Variants in MECOM observed in about 807,000 individuals in gnomAD.
The protein encoded by MECOM is histone-lysine N-methyltransferase MECOM.
Under a neutral mutation model 116.3 loss-of-function variants are expected in MECOM, and 13 were observed. The ratio of observed to expected loss-of-function variants is 0.11; its 90% CI spans 0.07 to 0.18. The LOEUF is 0.18. Among genes scored for constraint, MECOM ranks in the 10% least tolerant of loss-of-function variants. MECOM has a pLI of 1.00. For missense variants in MECOM, 1,299 were observed against 1,509.0 expected, an observed-to-expected ratio of 0.86 and a Z score of 2.31; for synonymous variants, 528 against 535.2, an observed-to-expected ratio of 0.99 and a Z score of 0.19.
chr3:169,178,082 C>A (rs1349993745), intron 2 of MECOM, among the ~76,000 whole-genome samples: 2 of 152,090 alleles, frequency 1.3e-5, no homozygotes, highest in Non-Finnish European at 2.9e-5. Context: ...ATTTTATTCT[C>A]CTACATAGCC....
intron 1 of MECOM, among the ~76,000 whole-genome samples, chr3:169,623,447 T>C (rs1315248857): frequency 6.6e-6 from 1 of 152,188 alleles, no homozygotes; most frequent in Admixed American, 6.5e-5. Context: ...GTTCTATGAT[T>C]TATATAAAAA....
chr3:169,527,631 T>C (rs967831597), intron 1 of MECOM, among the ~76,000 whole-genome samples: 4 of 152,192 alleles, frequency 2.6e-5, no homozygotes, highest in African/African-American at 9.7e-5. Flanking sequence ...CAAATCTTCA[T>C]GTTTGTTTTT....
At chr3:169,135,249 C>T (rs1736006488) in intron 3 of MECOM, among the ~76,000 whole-genome samples, 1 of 151,916 alleles carries the variant, frequency 6.6e-6, no homozygotes, top group South Asian at 2.1e-4. Flanking sequence ...GGTCTCTTCT[C>T]CTATCAGGGT....
chr3:169,170,691 C>G (rs1744287896), intron 2 of MECOM, among the ~76,000 whole-genome samples: 1 of 152,140 alleles, frequency 6.6e-6, no homozygotes, highest in Non-Finnish European at 1.5e-5. Flanking sequence ...GGAATCCCCA[C>G]AGTAATTTAC....
chr3:169,150,591 G>T (rs1487439282), intron 2 of MECOM, among the ~76,000 whole-genome samples: 1 of 152,196 alleles, frequency 6.6e-6, no homozygotes, highest in Non-Finnish European at 1.5e-5. Context: ...AAATATTAAG[G>T]GGATGGAGTA....
chr3:169,466,484 C>G (rs555958727), intron 1 of MECOM, among the ~76,000 whole-genome samples: 1 of 152,166 alleles, frequency 6.6e-6, no homozygotes, highest in South Asian at 2.1e-4. Context: ...AAAGTGAGAT[C>G]TAAAAAGTTG....
chr3:169,460,254 C>A (rs1374108898), intron 1 of MECOM, among the ~76,000 whole-genome samples: 1 of 152,000 alleles, frequency 6.6e-6, no homozygotes, highest in African/African-American at 2.4e-5. Flanking sequence ...CCACAGAGAG[C>A]AAACAAATAG....
At chr3:169,589,434 G>T (rs1478660798) in intron 1 of MECOM, among the ~76,000 whole-genome samples, 2 of 152,108 alleles carry the variant, frequency 1.3e-5, no homozygotes, top group African/African-American at 2.4e-5. Flanking sequence ...GACCAGGAAG[G>T]CACCATGTTA....
At chr3:169,338,303 G>A (rs1311425652) in intron 2 of MECOM, among the ~76,000 whole-genome samples, 1 of 152,102 alleles carries the variant, frequency 6.6e-6, no homozygotes, top group Admixed American at 6.6e-5. Context: ...AACTGAGCTA[G>A]GTCTCATAGC....
chr3:169,258,524 GGA>G (rs1250231622), intron 2 of MECOM, among the ~76,000 whole-genome samples: 2 of 152,122 alleles, frequency 1.3e-5, no homozygotes, highest in Non-Finnish European at 2.9e-5. Flanking sequence ...GTTAAACTGT[GGA>G]GTAACCACTC....
At chr3:169,548,859 G>T (rs1761035589) in intron 1 of MECOM, among the ~76,000 whole-genome samples, 1 of 152,024 alleles carries the variant, frequency 6.6e-6, no homozygotes, top group African/African-American at 2.4e-5. Flanking sequence ...ATTATAATAG[G>T]TACATGTCAT....
intron 1 of MECOM, among the ~76,000 whole-genome samples, chr3:169,625,654 C>T (rs962785931): frequency 1.3e-5 from 2 of 152,228 alleles, no homozygotes; most frequent in African/African-American, 4.8e-5. Flanking sequence ...CACAGTCTTT[C>T]CACAAATCAC....
chr3:169,194,527 A>G (rs930988899), intron 2 of MECOM, among the ~76,000 whole-genome samples: 2 of 152,000 alleles, frequency 1.3e-5, no homozygotes, highest in Non-Finnish European at 2.9e-5. Flanking sequence ...CATCTTAATA[A>G]ATAACAGCAA....
chr3:169,215,877 G>A (rs1048361593), intron 2 of MECOM, among the ~76,000 whole-genome samples: 3 of 152,162 alleles, frequency 2.0e-5, no homozygotes, highest in Non-Finnish European at 4.4e-5. Context: ...CTGGCATTCC[G>A]CCTCAGCTGG....
At chr3:169,237,655 A>G (rs1754254973) in intron 2 of MECOM, among the ~76,000 whole-genome samples, 1 of 151,044 alleles carries the variant, frequency 6.6e-6, no homozygotes. Flanking sequence ...TACTGTTGTT[A>G]AATGAACATA....
At chr3:169,285,914 T>C (rs539126517) in intron 2 of MECOM, among the ~76,000 whole-genome samples, 2 of 152,312 alleles carry the variant, frequency 1.3e-5, no homozygotes, top group South Asian at 4.1e-4. Context: ...AAAACAGCTG[T>C]TTTCAACCAA....
At chr3:169,093,911 C>T (rs1720659396) in intron 13 of MECOM, among the ~76,000 whole-genome samples, 1 of 152,176 alleles carries the variant, frequency 6.6e-6, no homozygotes, top group Non-Finnish European at 1.5e-5. Flanking sequence ...AACATCCCCT[C>T]ACCTAAAAGA....
At chr3:169,419,363 T>C (rs534797818) in intron 1 of MECOM, among the ~76,000 whole-genome samples, 14 of 152,092 alleles carry the variant, frequency 9.2e-5, no homozygotes, top group South Asian at 6.2e-4. Flanking sequence ...CAGGCTACCA[T>C]TGACTTTCTT....
chr3:169,290,663 A>C (rs1440847484), intron 2 of MECOM, among the ~76,000 whole-genome samples: 2 of 152,102 alleles, frequency 1.3e-5, no homozygotes, highest in African/African-American at 4.8e-5. Context: ...TAACCAATAA[A>C]CTCTGATGAT....
Sources: gnomAD v4.1 joint callset for allele counts (sites outside exome capture counted in the v4.1 genomes callset) on GRCh38, gnomAD v4.1.1 for gene constraint, MANE v1.5 for transcripts, NCBI Gene and HGNC (gene_info 2026-07-23, HGNC 2026-07-21) for gene names.